Variants in NCOR2 observed in about 807,000 individuals in gnomAD.
NCOR2 encodes the protein CTG repeat protein 26.
NCOR2 carries 81 observed loss-of-function variants against 262.9 expected under a neutral mutation model. The ratio of observed to expected loss-of-function variants is 0.31; its 90% CI spans 0.26 to 0.37. The LOEUF is 0.37. Among genes scored for constraint, NCOR2 ranks in the 10% least tolerant of loss-of-function variants. The pLI is 1.00. For synonymous variants in NCOR2, 1,659 were observed against 1,559.3 expected (o/e 1.06, Z -1.51); for missense variants, 3,385 against 3,621.4 (o/e 0.93, Z 1.68).
intron 43 of NCOR2, chr12:124,331,850 T>G (rs2135745613): frequency 6.0e-6 from 1 of 165,930 alleles, no homozygotes; most frequent in East Asian, 1.6e-4. Context: ...GGTCGGGGAC[T>G]GTGACAGATT....
chr12:124,336,334 C>T lies in NCOR2; in HGVS notation c.6115+419G>A. 1.1e-5 allele frequency: 2 copies of T among 177,496 alleles called. 1 individual carries two copies. The highest frequency in any genetic ancestry group is 4.8e-5 in the African/African-American group (2 of 41,414). The allele number at this position is 177,496 out of a possible 1,614,324, so 11.0% of individuals were successfully genotyped here. ...CCCATCCCTGCTCCCTGGACACAGG[C>T]GCAAAGAGGGAGATGGGGGCGCAGT... On this transcript the variant is annotated intron_variant, in intron 38 of 46. Transcript: ENST00000405201.
intron 1 of NCOR2, among the ~76,000 whole-genome samples, chr12:124,501,908 G>T (rs870163): frequency 0.34 from 52,029 of 152,100 alleles, 9,309 homozygotes; most frequent in African/African-American, 0.45. Context: ...CAGCCAGTCT[G>T]GCCCGAGGAG....
chr12:124,399,925 GA>G (rs768494011), intron 15 of NCOR2, among the ~76,000 whole-genome samples: 40 of 152,254 alleles, frequency 2.6e-4, no homozygotes, highest in Non-Finnish European at 4.4e-4. Flanking sequence ...AACAGAAGGG[GA>G]AACTGAGGCC....
chr12:124,402,716 C>T (rs981354204), intron 13 of NCOR2, among the ~76,000 whole-genome samples, 155 bp from the exon 16 acceptor site: 1 of 152,132 alleles, frequency 6.6e-6, no homozygotes, highest in African/African-American at 2.4e-5. Flanking sequence ...GGAAGCCAGG[C>T]CCCACTGGCA....
intron 38 of NCOR2, chr12:124,336,409 C>CAA (rs1165139654): frequency 8.7e-4 from 177 of 203,138 alleles, no homozygotes; most frequent in South Asian, 1.3e-3. Flanking sequence ...AGCAAAAATC[C>CAA]AAAAAAAAAA....
chr12:124,341,421 GGA>G, intron 34 of NCOR2, among the ~76,000 whole-genome samples: 1 of 152,114 alleles, frequency 6.6e-6, no homozygotes, highest in Non-Finnish European at 1.5e-5. Flanking sequence ...TGTATTTTTA[GGA>G]GAGACGGGTT....
At chr12:124,413,169 A>AC (rs57062516) in intron 13 of NCOR2, among the ~76,000 whole-genome samples, 3,555 of 151,602 alleles carry the variant, frequency 0.023, 65 homozygotes, top group Non-Finnish European at 0.037. Context: ...TGGGCCATGC[A>AC]CCCCCCAACT....
At chr12:124,388,879 AG>A (rs2041042054) in intron 16 of NCOR2, 2 of 102,836 alleles carry the variant, frequency 1.9e-5, no homozygotes, top group Middle Eastern at 3.4e-3. Context: ...GGAGGGAGGG[AG>A]GGAGGGAGGG....
intron 41 of NCOR2, among the ~76,000 whole-genome samples, chr12:124,333,522 G>T (rs1410421675): frequency 1.3e-5 from 2 of 151,884 alleles, no homozygotes; most frequent in African/African-American, 4.8e-5. Flanking sequence ...CAAACAGAGG[G>T]CCCGGGCTAG....
At chr12:124,363,825 T>A in intron 20 of NCOR2, 26 bp from the exon 23 acceptor site, 1 of 1,317,728 alleles carries the variant, frequency 7.6e-7, no homozygotes, top group Non-Finnish European at 9.7e-7. Flanking sequence ...CACCATCAGC[T>A]GGGGGCCCAC....
chr12:124,404,912 T>C (rs1487201262), intron 13 of NCOR2, among the ~76,000 whole-genome samples: 3 of 152,154 alleles, frequency 2.0e-5, no homozygotes, highest in Non-Finnish European at 4.4e-5. Context: ...TGATCACTGG[T>C]CACATTCTGC....
chr12:124,486,377 C>G, intron 2 of NCOR2, 64 bp downstream of exon 4: 8 of 1,585,782 alleles, frequency 5.0e-6, no homozygotes, highest in Non-Finnish European at 6.9e-6. Flanking sequence ...CCACGGGCCT[C>G]TGCTTCTCCA....
chr12:124,507,513 C>T (rs553007205), intron 1 of NCOR2, among the ~76,000 whole-genome samples: 24 of 152,248 alleles, frequency 1.6e-4, no homozygotes, highest in Admixed American at 1.2e-3. Context: ...CCCTCAGAGC[C>T]GAGTGCAGCA....
At chr12:124,334,752 C>T (rs889369686) in intron 40 of NCOR2, 135 bp from the exon 43 acceptor site, 15 of 579,394 alleles carry the variant, frequency 2.6e-5, no homozygotes, top group East Asian at 1.8e-4. Flanking sequence ...TGGACCTGCC[C>T]GCCACCCTCT....
chr12:124,542,133 C>A (rs2051386611), intron 1 of NCOR2, among the ~76,000 whole-genome samples: 1 of 151,738 alleles, frequency 6.6e-6, no homozygotes, highest in South Asian at 2.1e-4. Flanking sequence ...CATGGAGGAT[C>A]AGAACTGTGG....
Position 124,438,003 on chromosome 12 carries a change from A to T in NCOR2, c.816-7T>A. 6.2e-7 allele frequency: 1 copy of T among 1,607,856 alleles called. No individual in the cohort carries two copies. Among genetic ancestry groups the T allele is most frequent in the Non-Finnish European group, 8.5e-7 (1 of 1,176,844 alleles). On this transcript the variant is annotated splice_polypyrimidine_tract_variant and splice_region_variant and intron_variant, in intron 7 of 46. Coordinates refer to ENST00000405201, the Ensembl canonical transcript of NCOR2. ...CTTCCGCATCGCCTGGTTTCTGTGC[A>T]GGAGGGAAGCGGCAGACAGGTCAGC... is the stretch of plus-strand genomic sequence containing the variant.
At position 124,426,891 on chromosome 12, in the gene NCOR2, T is replaced by C; in HGVS notation, c.1150-91A>G. The C allele has an allele frequency of 3.1e-6, 4 of 1,291,208 alleles. No individual in the cohort carries two copies. The South Asian group carries it at 6.4e-5, about 21-fold the overall frequency. The allele number at this position is 1,291,208 out of a possible 1,614,324, so 80.0% of individuals were successfully genotyped here. On this transcript the variant is annotated intron_variant, in intron 10 of 46. Coordinates refer to ENST00000405201, the Ensembl canonical transcript of NCOR2. ...CCAGGGAAGACACAGAGGGGACGGA[T>C]GGTCTGCGCCAGAGCAGGGAAAACG...
chr12:124,428,333 A>G (rs968421521), intron 10 of NCOR2, among the ~76,000 whole-genome samples: 4 of 152,222 alleles, frequency 2.6e-5, no homozygotes, highest in African/African-American at 9.6e-5. Context: ...TTTTCTGTCA[A>G]CTGGATGTTG....
In NCOR2 at chr12:124,457,290, G is replaced by T. The variant is rs564273337; in HGVS notation, c.706-128C>A. On this transcript the variant is annotated intron_variant, in intron 5 of 46. Transcript: ENST00000405201. The surrounding 1 kb of genome is among the most constrained non-coding windows in gnomAD (Gnocchi z 4.0). Reference sequence around the variant, plus strand: ...CAGCATGCTGATCCTCAGCACGGGGGAGGGAGGCCCGGGGCCCCCTGCAGG... The same window carrying T: ...CAGCATGCTGATCCTCAGCACGGGGTAGGGAGGCCCGGGGCCCCCTGCAGG... 1 of 1,071,850 alleles carries T rather than the reference G, an allele frequency of 9.3e-7. No individual in the cohort carries two copies. Among genetic ancestry groups the T allele is most frequent in the East Asian group, 3.2e-5 (1 of 31,236 alleles). The allele number at this position is 1,071,850 out of a possible 1,614,324, so 66.4% of individuals were successfully genotyped here.
Sources: gnomAD v4.1 joint callset for allele counts (sites outside exome capture counted in the v4.1 genomes callset) on GRCh38, gnomAD v4.1.1 for gene constraint, Gnocchi (gnomAD v3.1) non-coding constraint, MANE v1.5 for transcripts, NCBI Gene and HGNC (gene_info 2026-07-23, HGNC 2026-07-21) for gene names.